PCDH15: variants seen among roughly 807,000 people sequenced by gnomAD.
PCDH15 encodes protocadherin related 15.
In PCDH15, 129 loss-of-function variants were observed where a neutral mutation model predicts 178.5. That is an observed-to-expected ratio of 0.72 (90% CI 0.63 to 0.84). PCDH15 has a LOEUF of 0.84. Ranked by LOEUF, PCDH15 falls within the 40% of genes least tolerant of loss-of-function variation. The pLI, the probability that PCDH15 is intolerant of heterozygous loss-of-function variation, is 0.00. For missense variants in PCDH15, 2,230 were observed against 2,099.9 expected (o/e 1.06, Z -1.21); for synonymous variants, 800 against 732.0 (o/e 1.09, Z -1.50).
intron 8 of PCDH15, among the ~76,000 whole-genome samples, chr10:54,288,139 T>G (rs936322218): frequency 6.6e-6 from 1 of 151,914 alleles, no homozygotes; most frequent in Admixed American, 6.6e-5. Flanking sequence ...CTGGCCAACA[T>G]AGTGAAACCC....
intron 2 of PCDH15, among the ~76,000 whole-genome samples, chr10:55,395,676 A>T (rs1355802785): frequency 6.6e-6 from 1 of 152,042 alleles, no homozygotes; most frequent in African/African-American, 2.4e-5. Flanking sequence ...AAGTTTGGAA[A>T]TTTTTTAGTT....
chr10:54,890,771 G>A (rs1954446680), intron 3 of PCDH15, among the ~76,000 whole-genome samples: 1 of 151,992 alleles, frequency 6.6e-6, no homozygotes, highest in Non-Finnish European at 1.5e-5. Flanking sequence ...CCTGGCACAT[G>A]TCATCATCCA....
chr10:54,046,201 G>C (rs867097790), intron 18 of PCDH15, among the ~76,000 whole-genome samples: 37 of 152,216 alleles, frequency 2.4e-4, no homozygotes, highest in Middle Eastern at 3.4e-3. Flanking sequence ...ACACAGACAG[G>C]AACCATGACC....
chr10:55,550,510 C>T (rs989828421), intron 2 of PCDH15, among the ~76,000 whole-genome samples: 1 of 152,050 alleles, frequency 6.6e-6, no homozygotes, highest in African/African-American at 2.4e-5. Context: ...GCACGAAGGT[C>T]TGTGAAAAAC....
At chr10:54,063,817 C>T (rs1161738429) in intron 18 of PCDH15, among the ~76,000 whole-genome samples, 4 of 152,126 alleles carry the variant, frequency 2.6e-5, no homozygotes, top group South Asian at 2.1e-4. Context: ...TAGCTCCAGC[C>T]GCCCTCTCCC....
intron 3 of PCDH15, among the ~76,000 whole-genome samples, chr10:54,503,222 T>C (rs2080861243): frequency 8.6e-6 from 1 of 115,620 alleles, no homozygotes; most frequent in African/African-American, 3.1e-5. Flanking sequence ...AATATACATA[T>C]ATATGTGTGT....
chr10:54,479,519 ATCTCAAT>A, intron 3 of PCDH15, among the ~76,000 whole-genome samples: 1 of 151,972 alleles, frequency 6.6e-6, no homozygotes, highest in Non-Finnish European at 1.5e-5. Flanking sequence ...AAAATTAATT[ATCTCAAT>A]TATAATAACT....
At chr10:55,581,141 CAT>C (rs1842606408) in intron 2 of PCDH15, among the ~76,000 whole-genome samples, 1 of 151,998 alleles carries the variant, frequency 6.6e-6, no homozygotes, top group Non-Finnish European at 1.5e-5. Flanking sequence ...ACCCTATGGC[CAT>C]ATATAGAGTC....
intron 2 of PCDH15, among the ~76,000 whole-genome samples, chr10:55,350,779 A>G (rs1482377388): frequency 6.6e-6 from 1 of 152,070 alleles, no homozygotes; most frequent in East Asian, 1.9e-4. Flanking sequence ...AAATTATCTG[A>G]ATGTTTTATT....
intron 18 of PCDH15, among the ~76,000 whole-genome samples, chr10:54,043,587 C>T (rs1478546585): frequency 6.6e-6 from 1 of 151,942 alleles, no homozygotes; most frequent in Non-Finnish European, 1.5e-5. Context: ...CAGAGATTTG[C>T]CATGTTGCTC....
chr10:54,797,631 T>C (rs1245531606), intron 1 of PCDH15, among the ~76,000 whole-genome samples: 1 of 152,060 alleles, frequency 6.6e-6, no homozygotes, highest in Non-Finnish European at 1.5e-5. Context: ...AGGTTTCTTA[T>C]TCATTTTGCT....
intron 2 of PCDH15, among the ~76,000 whole-genome samples, chr10:55,620,552 C>T (rs1843570657): frequency 6.6e-6 from 1 of 151,868 alleles, no homozygotes; most frequent in Non-Finnish European, 1.5e-5. Flanking sequence ...TACATTATTA[C>T]ATTTACTTAT....
chr10:54,321,406 GATA>G (rs1282699570), intron 7 of PCDH15, among the ~76,000 whole-genome samples: 7 of 150,138 alleles, frequency 4.7e-5, no homozygotes, highest in African/African-American at 1.5e-4. Flanking sequence ...ATAGTAAATA[GATA>G]ATAAATATTA....
chr10:54,256,760 C>A (rs1185922328), intron 8 of PCDH15, among the ~76,000 whole-genome samples: 1 of 151,966 alleles, frequency 6.6e-6, no homozygotes, highest in Non-Finnish European at 1.5e-5. Context: ...TTGGTTATTT[C>A]TTTAGCCTTC....
At chr10:54,539,991 T>C (rs915877101) in intron 2 of PCDH15, among the ~76,000 whole-genome samples, 42 of 152,066 alleles carry the variant, frequency 2.8e-4, no homozygotes, top group African/African-American at 8.2e-4. Flanking sequence ...CTCTGGGATG[T>C]GGGAAGAGAT....
intron 23 of PCDH15, among the ~76,000 whole-genome samples, chr10:53,941,481 A>G (rs1350656583): frequency 6.6e-6 from 1 of 152,110 alleles, no homozygotes; most frequent in Non-Finnish European, 1.5e-5. Context: ...ATGCTCCTCA[A>G]CATCTATGGC....
At chr10:53,945,979 C>A (rs2086540316) in intron 23 of PCDH15, among the ~76,000 whole-genome samples, 1 of 151,148 alleles carries the variant, frequency 6.6e-6, no homozygotes, top group East Asian at 1.9e-4. Flanking sequence ...GTGCAGATAT[C>A]TCTTCCACCA....
chr10:54,783,647 T>A (rs1041902454), intron 1 of PCDH15, among the ~76,000 whole-genome samples: 1 of 152,082 alleles, frequency 6.6e-6, no homozygotes, highest in African/African-American at 2.4e-5. Context: ...ATTAAAGATT[T>A]CCTAGTAGAT....
At chr10:54,976,727 A>G (rs1245776189) in intron 2 of PCDH15, among the ~76,000 whole-genome samples, 1 of 152,218 alleles carries the variant, frequency 6.6e-6, no homozygotes, top group Non-Finnish European at 1.5e-5. Context: ...GGGATTGTAG[A>G]AATTCTGCCT....
Sources: gnomAD v4.1 joint callset for allele counts (sites outside exome capture counted in the v4.1 genomes callset) on GRCh38, gnomAD v4.1.1 for gene constraint, MANE v1.5 for transcripts, NCBI Gene and HGNC (gene_info 2026-07-23, HGNC 2026-07-21) for gene names.